Variants in ELOVL6 observed in about 807,000 individuals in gnomAD.
The protein encoded by ELOVL6 is very long chain fatty acid elongase 6.
A neutral mutation model predicts 31.7 loss-of-function variants in ELOVL6; 8 were observed. The observed-to-expected ratio is 0.25, with a 90% confidence interval of 0.15 to 0.45. The LOEUF (loss-of-function observed/expected upper bound fraction) is 0.45. Ranked by LOEUF, ELOVL6 falls within the 20% of genes least tolerant of loss-of-function variation. The pLI, the probability that ELOVL6 is intolerant of heterozygous loss-of-function variation, is 1.00. For missense variants in ELOVL6, 126 were observed against 326.4 expected (o/e 0.39, Z 4.73); for synonymous variants, 101 against 117.7 (o/e 0.86, Z 0.92).
Position 110,059,761 on chromosome 4 carries a change from A to G in ELOVL6, c.222-7T>C. Reference sequence around the variant, plus strand: ...TCGAAGAGCACCGAATATACTTCATAATGAAAAGAGAAAAGAAACAGCATT... The same window carrying G: ...TCGAAGAGCACCGAATATACTTCATGATGAAAAGAGAAAAGAAACAGCATT... On this transcript the variant is annotated splice_region_variant and splice_polypyrimidine_tract_variant and intron_variant, in intron 2 of 3. Transcript: ENST00000302274. 6.2e-7 allele frequency: 1 copy of G among 1,601,584 alleles called. No homozygotes were observed. The highest frequency in any genetic ancestry group is 1.3e-5 in the African/African-American group (1 of 74,546).
chr4:110,081,015 C>G (rs1366274125), intron 2 of ELOVL6, among the ~76,000 whole-genome samples: 1 of 151,956 alleles, frequency 6.6e-6, no homozygotes, highest in Non-Finnish European at 1.5e-5. Flanking sequence ...GGATAAAATA[C>G]CTAGGAATCC....
chr4:110,109,382 C>A (rs577574277), intron 1 of ELOVL6, among the ~76,000 whole-genome samples: 19 of 152,226 alleles, frequency 1.2e-4, no homozygotes, highest in African/African-American at 4.6e-4. Flanking sequence ...ATAAAGACAA[C>A]CCAAATGAAA....
chr4:110,197,620 G>A (rs769812454), intron 1 of ELOVL6, among the ~76,000 whole-genome samples: 1 of 151,898 alleles, frequency 6.6e-6, no homozygotes, highest in African/African-American at 2.4e-5. Context: ...CTCCCACCCG[G>A]TCTCTCTATG....
At chr4:110,066,580 A>AC in intron 2 of ELOVL6, among the ~76,000 whole-genome samples, 1 of 142,706 alleles carries the variant, frequency 7.0e-6, no homozygotes, top group African/African-American at 2.6e-5. Flanking sequence ...GGGAGCCTGC[A>AC]GTAAGCCGAG....
At chr4:110,166,495 C>T (rs920250891) in intron 1 of ELOVL6, among the ~76,000 whole-genome samples, 5 of 152,098 alleles carry the variant, frequency 3.3e-5, no homozygotes, top group African/African-American at 1.2e-4. Flanking sequence ...GCCCTGTAGT[C>T]CCAGCTACTA....
chr4:110,091,407 T>C (rs1756424251), intron 2 of ELOVL6, among the ~76,000 whole-genome samples: 1 of 152,160 alleles, frequency 6.6e-6, no homozygotes, highest in Non-Finnish European at 1.5e-5. Context: ...AGGCAGAAAT[T>C]AGATTTTCTT....
intron 1 of ELOVL6, among the ~76,000 whole-genome samples, chr4:110,111,003 G>A (rs1327073265): frequency 6.6e-6 from 1 of 152,144 alleles, no homozygotes; most frequent in Non-Finnish European, 1.5e-5. Context: ...TAAAAAAGGT[G>A]TGAGAACTAG....
chr4:110,194,738 G>A (rs953273305), intron 1 of ELOVL6, among the ~76,000 whole-genome samples: 19 of 152,124 alleles, frequency 1.2e-4, no homozygotes, highest in African/African-American at 4.1e-4. Context: ...GGATTATAGC[G>A]TATGTTTAAT....
chr4:110,167,033 G>T (rs767152321), intron 1 of ELOVL6, among the ~76,000 whole-genome samples: 1 of 152,020 alleles, frequency 6.6e-6, no homozygotes, highest in Non-Finnish European at 1.5e-5. Context: ...CTATTTCTTT[G>T]TCTTCTCACC....
intron 3 of ELOVL6, among the ~76,000 whole-genome samples, chr4:110,054,549 C>G (rs902803127): frequency 1.5e-4 from 23 of 152,210 alleles, no homozygotes; most frequent in African/African-American, 4.8e-4. Flanking sequence ...TTAGCATTAA[C>G]TAAAATATAA....
chr4:110,097,911 A>G (rs1233710972), intron 2 of ELOVL6, among the ~76,000 whole-genome samples: 3 of 152,304 alleles, frequency 2.0e-5, no homozygotes, highest in Non-Finnish European at 4.4e-5. Flanking sequence ...AGCAATTTCT[A>G]TGGTTCTTTG....
chr4:110,163,854 C>T (rs557589186), intron 1 of ELOVL6, among the ~76,000 whole-genome samples: 3 of 152,218 alleles, frequency 2.0e-5, no homozygotes, highest in Admixed American at 6.5e-5. Flanking sequence ...ACTGTAAGAT[C>T]GAATGGTGAG....
chr4:110,081,765 C>T (rs1446494849), intron 2 of ELOVL6, among the ~76,000 whole-genome samples: 5 of 149,734 alleles, frequency 3.3e-5, no homozygotes, highest in South Asian at 4.3e-4. Flanking sequence ...AACTAAAGAG[C>T]TTCTGCACAG....
At chr4:110,084,572 A>ATATATATATATATT (rs1756175230) in intron 2 of ELOVL6, among the ~76,000 whole-genome samples, 1 of 42,396 alleles carries the variant, frequency 2.4e-5, no homozygotes, top group African/African-American at 1.8e-4. Context: ...AGATATATAT[A>ATATATATATATATT]TATATATATA....
At chr4:110,102,474 A>G (rs1448098866) in intron 2 of ELOVL6, among the ~76,000 whole-genome samples, 1 of 152,112 alleles carries the variant, frequency 6.6e-6, no homozygotes, top group African/African-American at 2.4e-5. Context: ...AGGGCAACAT[A>G]GTGAAACTCC....
rs1754843916 is a variant in ELOVL6 at position 110,051,815 on chromosome 4, T to C, written c.374-53A>G. The stretch of plus-strand genomic sequence containing the variant: ...TGAGATCCTTGACCACCAGTAACGA[T>C]GACTTACAGTTTTGTAAGAGGGTAG... On this transcript the variant is annotated intron_variant, in intron 3 of 3. Transcript: ENST00000302274. This position sits in a 1 kb window ranked among gnomAD's most constrained non-coding sequence, Gnocchi z 4.8. 6.7e-6 allele frequency: 10 copies of C among 1,487,868 alleles called. No homozygotes were observed. In the South Asian group the frequency reaches 7.5e-5, roughly 11 times the overall value. 92.2% of individuals were successfully genotyped at this position (1,487,868 alleles called of 1,614,324 possible).
intron 1 of ELOVL6, among the ~76,000 whole-genome samples, chr4:110,165,548 T>C (rs1758751725): frequency 6.6e-6 from 1 of 152,188 alleles, no homozygotes; most frequent in Non-Finnish European, 1.5e-5. Context: ...GTTGTCTAGC[T>C]CAGAGACACA....
intron 1 of ELOVL6, among the ~76,000 whole-genome samples, chr4:110,157,523 T>A (rs762465325): frequency 2.6e-5 from 4 of 152,114 alleles, no homozygotes; most frequent in South Asian, 2.1e-4. Context: ...ATGCAAAAAT[T>A]AGCTGCACGT....
intron 1 of ELOVL6, among the ~76,000 whole-genome samples, chr4:110,110,190 T>C (rs558885723): frequency 1.8e-4 from 28 of 152,098 alleles, no homozygotes; most frequent in Non-Finnish European, 3.8e-4. Context: ...ACCCAGAGAC[T>C]AGAGGAAATA....
Sources: allele counts gnomAD v4.1 joint callset (sites outside exome capture counted in the v4.1 genomes callset), GRCh38; gene constraint gnomAD v4.1.1; non-coding constraint Gnocchi (gnomAD v3.1); transcripts MANE v1.5; gene names NCBI Gene and HGNC (gene_info 2026-07-23, HGNC 2026-07-21).